The following ADAMTSL1 variants were observed in gnomAD, a reference collection of about 807,000 sequenced individuals.
ADAMTSL1 encodes ADAMTS like 1.
A neutral mutation model predicts 201.8 loss-of-function variants in ADAMTSL1; 126 were observed. That is an observed-to-expected ratio of 0.62 (90% confidence interval 0.54 to 0.72). The LOEUF (loss-of-function observed/expected upper bound fraction) is 0.72, where lower values mean the gene tolerates loss of function less well. Among genes scored for constraint, ADAMTSL1 ranks in the 30% least tolerant of loss-of-function variants. The probability of loss-of-function intolerance (pLI) is 0.00; values close to 1 mark genes in which losing one functional copy is unlikely to be tolerated. For synonymous variants in ADAMTSL1, 1,121 were observed against 903.4 expected, an observed-to-expected ratio of 1.24 and a Z score of -4.32; for missense variants, 2,679 against 2,277.8, an observed-to-expected ratio of 1.18 and a Z score of -3.59.
intron 2 of ADAMTSL1, among the ~76,000 whole-genome samples, chr9:18,300,120 C>G (rs1260926945): frequency 6.6e-6 from 1 of 152,040 alleles, no homozygotes; most frequent in Non-Finnish European, 1.5e-5. Flanking sequence ...GGTATATACC[C>G]AAAGGATTAT....
intron 1 of ADAMTSL1, among the ~76,000 whole-genome samples, chr9:18,159,690 C>G (rs1464028270): frequency 6.6e-6 from 1 of 151,910 alleles, no homozygotes; most frequent in Non-Finnish European, 1.5e-5. Context: ...AAATTTTTAT[C>G]TTTTACACCA....
At chr9:17,944,852 C>T (rs1827390221) in intron 1 of ADAMTSL1, among the ~76,000 whole-genome samples, 1 of 128,184 alleles carries the variant, frequency 7.8e-6, no homozygotes, top group Non-Finnish European at 1.6e-5. Context: ...GACCTAAAAC[C>T]ATAAAAACCC....
At chr9:18,012,424 A>G (rs930270985) in intron 1 of ADAMTSL1, among the ~76,000 whole-genome samples, 8 of 152,080 alleles carry the variant, frequency 5.3e-5, no homozygotes, top group African/African-American at 1.9e-4. Flanking sequence ...GAAATCTTTT[A>G]TGAAGCATTA....
chr9:18,080,353 G>T, intron 1 of ADAMTSL1, among the ~76,000 whole-genome samples: 1 of 152,254 alleles, frequency 6.6e-6, no homozygotes, highest in Non-Finnish European at 1.5e-5. Context: ...GTACAGAAGT[G>T]GAAAGGGTGA....
At chr9:18,748,916 T>A (rs896276961) in intron 15 of ADAMTSL1, among the ~76,000 whole-genome samples, 3 of 152,212 alleles carry the variant, frequency 2.0e-5, no homozygotes, top group Non-Finnish European at 4.4e-5. Flanking sequence ...CTGAAACCTA[T>A]AAGGAGAGTC....
At chr9:18,069,704 C>A (rs954547852) in intron 1 of ADAMTSL1, among the ~76,000 whole-genome samples, 1 of 152,104 alleles carries the variant, frequency 6.6e-6, no homozygotes, top group Non-Finnish European at 1.5e-5. Flanking sequence ...TCTTTAGACC[C>A]TGTCAATACA....
intron 1 of ADAMTSL1, among the ~76,000 whole-genome samples, chr9:18,128,612 G>A (rs1008187276): frequency 9.2e-5 from 14 of 152,100 alleles, no homozygotes; most frequent in African/African-American, 1.7e-4. Context: ...TGCCTGGCCC[G>A]ACAGTTTGAA....
intron 2 of ADAMTSL1, among the ~76,000 whole-genome samples, chr9:18,321,357 T>A (rs1834610570): frequency 6.6e-6 from 1 of 152,132 alleles, no homozygotes; most frequent in African/African-American, 2.4e-5. Context: ...ACAAACATGG[T>A]TGACGATTTT....
intron 1 of ADAMTSL1, among the ~76,000 whole-genome samples, chr9:18,078,846 G>A (rs1474802008): frequency 6.6e-6 from 1 of 152,156 alleles, no homozygotes; most frequent in Non-Finnish European, 1.5e-5. Context: ...AGGCAATGGA[G>A]CTGTCTTCAG....
chr9:18,600,909 T>C (rs2132536746), intron 4 of ADAMTSL1, among the ~76,000 whole-genome samples: 1 of 152,342 alleles, frequency 6.6e-6, no homozygotes, highest in Non-Finnish European at 1.5e-5. Context: ...TATTTTTCTT[T>C]CTTCCTGTTG....
chr9:18,039,370 G>T (rs561462013), intron 1 of ADAMTSL1, among the ~76,000 whole-genome samples: 1 of 151,990 alleles, frequency 6.6e-6, no homozygotes, highest in Non-Finnish European at 1.5e-5. Context: ...CTCAGTGACG[G>T]ATAATGCCTT....
At chr9:18,077,749 A>G (rs184276991) in intron 1 of ADAMTSL1, among the ~76,000 whole-genome samples, 2 of 152,316 alleles carry the variant, frequency 1.3e-5, no homozygotes, top group East Asian at 1.9e-4. Flanking sequence ...AGGACTTTAA[A>G]AAAAATGCAT....
intron 5 of ADAMTSL1, among the ~76,000 whole-genome samples, chr9:18,624,731 G>T (rs1826248871): frequency 6.6e-6 from 1 of 152,114 alleles, no homozygotes; most frequent in Non-Finnish European, 1.5e-5. Context: ...ACAAAACAAA[G>T]ATGGAGAAGC....
At chr9:18,027,924 T>A (rs1820770791) in intron 1 of ADAMTSL1, among the ~76,000 whole-genome samples, 2 of 152,040 alleles carry the variant, frequency 1.3e-5, no homozygotes, top group South Asian at 4.1e-4. Context: ...TTCAGGAGAG[T>A]TAAGTCTTAT....
chr9:18,651,289 C>G (rs1220726936), intron 7 of ADAMTSL1: 1 of 152,172 alleles, frequency 6.6e-6, no homozygotes, highest in Non-Finnish European at 1.5e-5. Context: ...GCTGCAGACC[C>G]AAGGAAAGAG....
chr9:18,341,188 G>T lies in ADAMTSL1; in HGVS notation c.208-163641G>T, dbSNP rs12686194. On this transcript the variant is annotated intron_variant, in intron 2 of 29. Coordinates refer to the ADAMTSL1 transcript ENST00000680146. ...TTAAACCCAGACTCCTACATGATTTGCAAGGCTCCTCACAAGCTGGTCTCT... is the reference window on the plus strand; with the variant it reads ...TTAAACCCAGACTCCTACATGATTTTCAAGGCTCCTCACAAGCTGGTCTCT... Among the ~76,000 whole-genome samples, 271 of 152,190 alleles carry T rather than the reference G, an allele frequency of 1.8e-3. 9 individuals carry two copies. In the East Asian group the frequency reaches 0.036, roughly 20 times the overall value.
chr9:18,716,114 G>T (rs1231573918), intron 14 of ADAMTSL1, among the ~76,000 whole-genome samples: 2 of 151,238 alleles, frequency 1.3e-5, no homozygotes, highest in Non-Finnish European at 3.0e-5. Flanking sequence ...TTAAACGTTA[G>T]ACCTAAAACC....
Position 18,065,440 on chromosome 9 carries a change from T to C in ADAMTSL1, c.88-98422T>C, listed in dbSNP as rs188867956. 8.9e-4 allele frequency among the ~76,000 whole-genome samples: 135 copies of C among 152,366 alleles called. No individual in the cohort carries two copies. In the Middle Eastern group the frequency reaches 0.014, roughly 15 times the overall value. ...CCCTCTTTATAATTGTTTCCATTTT[T>C]ATGTACCATTATAATTTTGAACTAT... is the stretch of plus-strand genomic sequence containing the variant. On this transcript the variant is annotated intron_variant, in intron 1 of 29. Coordinates refer to the ADAMTSL1 transcript ENST00000680146.
intron 2 of ADAMTSL1, among the ~76,000 whole-genome samples, chr9:18,459,595 A>G (rs149215761): frequency 1.5e-3 from 222 of 152,304 alleles, no homozygotes; most frequent in African/African-American, 5.0e-3. Context: ...TGACTTCGTT[A>G]ATCCAGTCAG....
Sources: gnomAD v4.1 joint callset for allele counts (sites outside exome capture counted in the v4.1 genomes callset) on GRCh38, gnomAD v4.1.1 for gene constraint, MANE v1.5 for transcripts, NCBI Gene and HGNC (gene_info 2026-07-23, HGNC 2026-07-21) for gene names.